The following RCSD1 variants were observed in gnomAD, a reference collection of about 807,000 sequenced individuals.
RCSD1 encodes the protein capZ-interacting protein.
Under a neutral mutation model 42.5 loss-of-function variants are expected in RCSD1, and 26 were observed. The ratio of observed to expected loss-of-function variants is 0.61; its 90% confidence interval spans 0.45 to 0.85. The LOEUF is 0.85. Among genes scored for constraint, RCSD1 ranks in the 40% least tolerant of loss-of-function variants. The pLI, the probability that RCSD1 is intolerant of heterozygous loss-of-function variation, is 0.00. For synonymous variants in RCSD1, 220 were observed against 212.2 expected, an observed-to-expected ratio of 1.04 and a Z score of -0.32; for missense variants, 571 against 528.3, an observed-to-expected ratio of 1.08 and a Z score of -0.79.
chr1:167,697,728 G>A lies in RCSD1; in HGVS notation c.1104G>A (p.Lys368=), dbSNP rs1347164749. The change falls in exon 6 of 7, where the codon AAG becomes AAA. Residue 368 remains lysine (K), a synonymous_variant. Coordinates refer to ENST00000367854, the MANE Select transcript of RCSD1 (RefSeq NM_052862.4). ...GGDVPKQEKG[K]EKQQEGAVLE... The stretch of plus-strand genomic sequence containing the variant: ...ATGTCCCCAAGCAGGAAAAAGGCAA[G>A]GAAAAACAACAGGAGGGGGCAGTGC... The A allele has an allele frequency of 6.3e-7, 1 of 1,584,216 alleles. No individual in the cohort carries two copies. The highest frequency in any genetic ancestry group is 1.2e-5 in the South Asian group (1 of 86,036).
At chr1:167,676,542 A>T (rs1558085910) in intron 1 of RCSD1, among the ~76,000 whole-genome samples, 1 of 152,184 alleles carries the variant, frequency 6.6e-6, no homozygotes, top group Admixed American at 6.5e-5. Context: ...CAGACTCAAA[A>T]TAATTTCTTT....
intron 3 of RCSD1, among the ~76,000 whole-genome samples, chr1:167,687,452 G>A (rs568832075): frequency 6.6e-6 from 1 of 152,038 alleles, no homozygotes; most frequent in African/African-American, 2.4e-5. Flanking sequence ...GAACCCCGGA[G>A]GCGGAGCTTG....
chr1:167,664,980 G>C (rs1658620268), intron 1 of RCSD1: 1 of 151,542 alleles, frequency 6.6e-6, no homozygotes, highest in African/African-American at 2.4e-5. Context: ...GAAGGTTGCA[G>C]TGAGCCGAGA....
Position 167,630,447 on chromosome 1 carries a change from G to C in RCSD1, c.6+18G>C. ...ACATGGAGGTAAAGGACCCCGGAGG[G>C]AGACGCGGGGCTGAGCGGTGAGCGG... is the stretch of plus-strand genomic sequence containing the variant. On this transcript the variant is annotated intron_variant, in intron 1 of 6. Transcript: ENST00000367854. 6.5e-7 allele frequency: 1 copy of C among 1,536,590 alleles called. No homozygotes were observed. Among genetic ancestry groups the C allele is most frequent in the Non-Finnish European group, 8.8e-7 (1 of 1,139,418 alleles).
chr1:167,638,023 C>A (rs1334704264), intron 1 of RCSD1, among the ~76,000 whole-genome samples: 1 of 152,222 alleles, frequency 6.6e-6, no homozygotes, highest in African/African-American at 2.4e-5. Context: ...ATTTGCATCT[C>A]ACAATGTGCC....
At chr1:167,634,507 G>A (rs558093996) in intron 1 of RCSD1, among the ~76,000 whole-genome samples, 19 of 152,222 alleles carry the variant, frequency 1.2e-4, no homozygotes, top group African/African-American at 4.3e-4. Context: ...AGAGATAATA[G>A]GTAATGCTAT....
At chr1:167,698,167 T>G (rs72697740) in intron 6 of RCSD1, among the ~76,000 whole-genome samples, 6,877 of 152,250 alleles carry the variant, frequency 0.045, 207 homozygotes, top group Middle Eastern at 0.12. Context: ...GGAAGCCTGC[T>G]GAGTGCAGGA....
intron 6 of RCSD1, among the ~76,000 whole-genome samples, chr1:167,703,024 AT>A (rs1659679745): frequency 6.6e-6 from 1 of 152,136 alleles, no homozygotes; most frequent in Non-Finnish European, 1.5e-5. Context: ...GTTTCTCAAC[AT>A]TTGATTTGAA....
At chr1:167,671,054 C>T (rs1258287135) in intron 1 of RCSD1, among the ~76,000 whole-genome samples, 1 of 152,190 alleles carries the variant, frequency 6.6e-6, no homozygotes, top group Non-Finnish European at 1.5e-5. Flanking sequence ...AGTTTTCTGC[C>T]TCTGCTGAAT....
chr1:167,705,981 C>T lies in RCSD1; in HGVS notation c.*1285C>T, dbSNP rs946036744. ...TGATTTGGTAGTTGGAAGAATTATT[C>T]TTCTGGAGGTCTGTTAGACTACATC... is the stretch of plus-strand genomic sequence containing the variant. On this transcript the variant is annotated 3_prime_UTR_variant, in exon 7 of 7. Transcript: ENST00000367854. 1.3e-5 allele frequency: 2 copies of T among 152,158 alleles called. No individual in the cohort carries two copies. The highest frequency in any genetic ancestry group is 4.8e-5 in the African/African-American group (2 of 41,432). The allele number at this position is 152,158 out of a possible 1,614,324, so 9.4% of individuals were successfully genotyped here. A position where few individuals can be genotyped will look rare whatever the true frequency, so the allele number is the denominator to read the frequency against.
intron 4 of RCSD1, among the ~76,000 whole-genome samples, chr1:167,690,467 A>T (rs993593443): frequency 2.0e-5 from 3 of 152,164 alleles, no homozygotes; most frequent in African/African-American, 7.2e-5. Flanking sequence ...TGAGCCCAGG[A>T]GTTCAAGACC....
chr1:167,645,969 A>G (rs1477603659), intron 1 of RCSD1, among the ~76,000 whole-genome samples: 1 of 152,190 alleles, frequency 6.6e-6, no homozygotes, highest in Admixed American at 6.5e-5. Flanking sequence ...AGAAGCCGAA[A>G]TACCAGTTGA....
chr1:167,693,991 G>A (rs1659437344), intron 4 of RCSD1, 108 bp from the exon 5 acceptor site: 8 of 984,210 alleles, frequency 8.1e-6, no homozygotes, highest in Middle Eastern at 2.2e-4. Flanking sequence ...GAAAAGCCTG[G>A]TGTTACCTAG....
Position 167,630,405 on chromosome 1 carries a change from G to C in RCSD1, c.-19G>C. ...CGGGCGAGCGGGTGCGTCTGCCGCA[G>C]AGTCGGCACCTGAAGGACATGGAGG... is the stretch of plus-strand genomic sequence containing the variant. On this transcript the variant is annotated 5_prime_UTR_variant, in exon 1 of 7. Coordinates refer to ENST00000367854, the MANE Select transcript of RCSD1 (RefSeq NM_052862.4). 2 of 1,524,354 alleles carry C rather than the reference G, an allele frequency of 1.3e-6. No homozygotes were observed. Among genetic ancestry groups the C allele is most frequent in the Non-Finnish European group, 1.8e-6 (2 of 1,132,732 alleles). The allele number at this position is 1,524,354 out of a possible 1,614,324, so 94.4% of individuals were successfully genotyped here.
At chr1:167,639,908 T>G (rs1373689736) in intron 1 of RCSD1, among the ~76,000 whole-genome samples, 1 of 152,346 alleles carries the variant, frequency 6.6e-6, no homozygotes, top group East Asian at 1.9e-4. Context: ...TCCGATGCCC[T>G]CAAGGGGTCT....
chr1:167,704,751 T>C lies in RCSD1; in HGVS notation c.*55T>C. The C allele has an allele frequency of 6.4e-7, 1 of 1,555,176 alleles. No homozygotes were observed. The highest frequency in any genetic ancestry group is 8.9e-7 in the Non-Finnish European group (1 of 1,128,678). On this transcript the variant is annotated 3_prime_UTR_variant, in exon 7 of 7. Coordinates refer to ENST00000367854, the MANE Select transcript of RCSD1 (RefSeq NM_052862.4). ...GTTGCTGGACACATCTCTTTGCAGG[T>C]AGCAGCAACAGTTGTAGCAGCAGCA...
chr1:167,642,359 A>G (rs914933471), intron 1 of RCSD1, among the ~76,000 whole-genome samples: 7 of 152,224 alleles, frequency 4.6e-5, no homozygotes, highest in Non-Finnish European at 8.8e-5. Context: ...CATTCGCTTG[A>G]GTCTTACACG....
chr1:167,698,396 A>AG (rs1425030196), intron 6 of RCSD1, among the ~76,000 whole-genome samples: 2 of 152,226 alleles, frequency 1.3e-5, no homozygotes, highest in Admixed American at 1.3e-4. Flanking sequence ...GGGATGCTTC[A>AG]GGGCCAAGGT....
chr1:167,634,936 ATGAGAGT>A (rs1274597842), intron 1 of RCSD1, among the ~76,000 whole-genome samples: 3 of 91,494 alleles, frequency 3.3e-5, no homozygotes, highest in Admixed American at 1.2e-4. Flanking sequence ...TATTACTATG[ATGAGAGT>A]GTGTGTGTGT....
Sources: gnomAD v4.1 joint callset for allele counts (sites outside exome capture counted in the v4.1 genomes callset) on GRCh38, gnomAD v4.1.1 for gene constraint, MANE v1.5 for transcripts, NCBI Gene and HGNC (gene_info 2026-07-23, HGNC 2026-07-21) for gene names.